NRG3: variants seen among roughly 807,000 people sequenced by gnomAD.
The protein encoded by NRG3 is neuregulin 3.
NRG3 carries 31 observed loss-of-function variants against 66.9 expected under a neutral mutation model. The observed-to-expected ratio is 0.46, with a 90% CI of 0.35 to 0.63. The LOEUF (loss-of-function observed/expected upper bound fraction) is 0.63, where lower values mean the gene tolerates loss of function less well. NRG3 is among the 20% of genes least tolerant of loss of function. NRG3 has a pLI of 0.00. For synonymous variants in NRG3, 393 were observed against 359.4 expected, an observed-to-expected ratio of 1.09 and a Z score of -1.06; for missense variants, 910 against 878.9, an observed-to-expected ratio of 1.04 and a Z score of -0.45.
At chr10:82,465,019 A>C (rs1201538874) in intron 2 of NRG3, among the ~76,000 whole-genome samples, 2 of 152,156 alleles carry the variant, frequency 1.3e-5, no homozygotes, top group Non-Finnish European at 2.9e-5. Flanking sequence ...GGTAGTAGGG[A>C]GTAGACTTGG....
At position 82,088,674 on chromosome 10, in the gene NRG3, A is replaced by G. The variant is rs1433007645; in HGVS notation, c.823+212511A>G. Among the ~76,000 whole-genome samples the G allele has an allele frequency of 2.0e-5, 3 of 152,272 alleles. No individual in the cohort carries two copies. The East Asian group carries it at 5.8e-4, about 29-fold the overall frequency. ...AAATTTCCTTTGTATATGACTATAC[A>G]AAGTTTTAAAACTTTATCTCCCTCA... On this transcript the variant is annotated intron_variant, in intron 1 of 8. Coordinates refer to ENST00000372141, the MANE Select transcript of NRG3 (RefSeq NM_001010848.4).
At chr10:82,923,754 G>A (rs540839051) in intron 4 of NRG3, among the ~76,000 whole-genome samples, 14 of 151,940 alleles carry the variant, frequency 9.2e-5, no homozygotes, top group East Asian at 5.8e-4. Context: ...ACAAAAAATC[G>A]TGGAACATTA....
At chr10:81,960,739 T>C (rs1363036873) in intron 1 of NRG3, among the ~76,000 whole-genome samples, 1 of 151,664 alleles carries the variant, frequency 6.6e-6, no homozygotes, top group Non-Finnish European at 1.5e-5. Context: ...ATCGCCTCCC[T>C]GTTTGAACAA....
chr10:82,213,180 T>G (rs2075488733), intron 1 of NRG3, among the ~76,000 whole-genome samples: 1 of 152,224 alleles, frequency 6.6e-6, no homozygotes. Flanking sequence ...TGTGGCCTCA[T>G]GCAGGGCACA....
intron 1 of NRG3, among the ~76,000 whole-genome samples, chr10:82,221,197 T>C (rs2075925606): frequency 2.6e-5 from 4 of 151,988 alleles, no homozygotes; most frequent in Admixed American, 2.6e-4. Context: ...CTGAGGATTT[T>C]TTTCTAGACA....
chr10:82,094,957 C>G (rs939156122), intron 1 of NRG3, among the ~76,000 whole-genome samples: 1 of 152,154 alleles, frequency 6.6e-6, no homozygotes, highest in Non-Finnish European at 1.5e-5. Flanking sequence ...GGGATAGTTA[C>G]ACTAAAAGCC....
chr10:82,574,844 G>A (rs928738552), intron 2 of NRG3, among the ~76,000 whole-genome samples: 2 of 151,696 alleles, frequency 1.3e-5, no homozygotes, highest in Admixed American at 1.3e-4. Flanking sequence ...GATGAATATC[G>A]CACAATGTCA....
intron 1 of NRG3, among the ~76,000 whole-genome samples, chr10:81,928,342 C>A (rs550871674): frequency 6.6e-6 from 1 of 152,304 alleles, no homozygotes; most frequent in Admixed American, 6.5e-5. Context: ...CACTCCACCT[C>A]CCTCCTCTTT....
At chr10:82,734,580 C>G (rs2058067827) in intron 2 of NRG3, among the ~76,000 whole-genome samples, 1 of 152,092 alleles carries the variant, frequency 6.6e-6, no homozygotes, top group Non-Finnish European at 1.5e-5. Context: ...AGGGACCAAT[C>G]TCTCTTATTC....
intron 1 of NRG3, among the ~76,000 whole-genome samples, chr10:81,963,987 G>A (rs1244942545): frequency 6.6e-6 from 1 of 151,848 alleles, no homozygotes; most frequent in Non-Finnish European, 1.5e-5. Flanking sequence ...TATTTTAATC[G>A]TACAAAAAAT....
chr10:82,419,637 C>T (rs1159330019), intron 2 of NRG3, among the ~76,000 whole-genome samples: 2 of 152,006 alleles, frequency 1.3e-5, no homozygotes, highest in African/African-American at 4.8e-5. Context: ...ACAGTGCAAG[C>T]CTTTTGTGGA....
intron 2 of NRG3, among the ~76,000 whole-genome samples, chr10:82,699,597 A>G (rs1161921808): frequency 6.6e-6 from 1 of 151,990 alleles, no homozygotes; most frequent in East Asian, 1.9e-4. Context: ...AATACTTATT[A>G]TAGCAAATCA....
At chr10:82,918,374 A>G (rs1846090292) in intron 4 of NRG3, among the ~76,000 whole-genome samples, 1 of 152,170 alleles carries the variant, frequency 6.6e-6, no homozygotes, top group African/African-American at 2.4e-5. Flanking sequence ...CATCTTTCTC[A>G]GCCTTGTTTT....
intron 3 of NRG3, among the ~76,000 whole-genome samples, chr10:82,749,770 G>A (rs2058787185): frequency 6.7e-6 from 1 of 148,644 alleles, no homozygotes; most frequent in Admixed American, 6.7e-5. Context: ...TCACTTTTGA[G>A]TGAGTAGAAG....
intron 1 of NRG3, among the ~76,000 whole-genome samples, chr10:82,228,452 A>G (rs562018967): frequency 6.6e-6 from 1 of 152,294 alleles, no homozygotes; most frequent in Admixed American, 6.5e-5. Context: ...AAGAGAAAGC[A>G]TGTAATGCTT....
intron 3 of NRG3, among the ~76,000 whole-genome samples, chr10:82,780,949 G>A (rs1473742342): frequency 6.6e-6 from 1 of 152,126 alleles, no homozygotes; most frequent in African/African-American, 2.4e-5. Context: ...TTAGTTTCCA[G>A]GCACTTCCCT....
At chr10:82,070,792 TTTTTGCCTATCAAA>T (rs780520503) in intron 1 of NRG3, among the ~76,000 whole-genome samples, 11 of 152,156 alleles carry the variant, frequency 7.2e-5, no homozygotes, top group Non-Finnish European at 1.6e-4. Flanking sequence ...GAAAACAATA[TTTTTGCCTATCAAA>T]TTAATATATT....
intron 2 of NRG3, among the ~76,000 whole-genome samples, chr10:82,495,701 A>G (rs927235107): frequency 1.3e-5 from 2 of 152,118 alleles, no homozygotes; most frequent in African/African-American, 2.4e-5. Flanking sequence ...AGAAGCCCTA[A>G]GAAAGTGGGA....
intron 5 of NRG3, chr10:82,955,376 A>T (rs563497727): frequency 1.3e-5 from 2 of 152,120 alleles, no homozygotes; most frequent in South Asian, 4.1e-4. Context: ...TCCTATACAT[A>T]GTTAATAGAA....
Sources: gnomAD v4.1 joint callset for allele counts (sites outside exome capture counted in the v4.1 genomes callset) on GRCh38, gnomAD v4.1.1 for gene constraint, MANE v1.5 for transcripts, NCBI Gene and HGNC (gene_info 2026-07-23, HGNC 2026-07-21) for gene names.